AGBL4: variants seen among roughly 807,000 people sequenced by gnomAD.
AGBL4 encodes the protein AGBL carboxypeptidase 4.
AGBL4 carries 58 observed loss-of-function variants against 66.4 expected under a neutral mutation model. The observed-to-expected ratio is 0.87, with a 90% confidence interval of 0.71 to 1.09. The LOEUF (loss-of-function observed/expected upper bound fraction) is 1.09. Among genes scored for constraint, AGBL4 ranks in the 50% least tolerant of loss-of-function variants. The pLI, the probability that AGBL4 is intolerant of heterozygous loss-of-function variation, is 0.00. For missense variants in AGBL4, 579 were observed against 631.0 expected (o/e 0.92, Z 0.88); for synonymous variants, 234 against 222.9 (o/e 1.05, Z -0.44).
At chr1:49,924,824 C>T (rs1359697160) in intron 1 of AGBL4, among the ~76,000 whole-genome samples, 3 of 152,110 alleles carry the variant, frequency 2.0e-5, no homozygotes, top group Non-Finnish European at 4.4e-5. Context: ...TTCCACCAAT[C>T]GTCCTCCTCA....
intron 3 of AGBL4, among the ~76,000 whole-genome samples, chr1:49,282,645 C>A (rs977416467): frequency 2.0e-5 from 3 of 152,088 alleles, no homozygotes; most frequent in Admixed American, 1.3e-4. Flanking sequence ...AGACAGTGGG[C>A]GCAGGTCAGT....
chr1:48,815,197 T>A (rs1646146142), intron 6 of AGBL4, among the ~76,000 whole-genome samples: 1 of 152,242 alleles, frequency 6.6e-6, no homozygotes, highest in Non-Finnish European at 1.5e-5. Flanking sequence ...GTATGTCTTT[T>A]GAGAAATGTC....
intron 6 of AGBL4, among the ~76,000 whole-genome samples, chr1:48,775,372 T>C (rs938884708): frequency 3.3e-5 from 5 of 152,160 alleles, no homozygotes; most frequent in African/African-American, 1.2e-4. Flanking sequence ...GGCAAGTCTC[T>C]ATGGGTTGAG....
chr1:49,299,961 A>C (rs925834598), intron 3 of AGBL4, among the ~76,000 whole-genome samples: 8 of 152,116 alleles, frequency 5.3e-5, no homozygotes, highest in Admixed American at 5.2e-4. Flanking sequence ...ATAAATCCCA[A>C]TGTATAATTC....
intron 6 of AGBL4, among the ~76,000 whole-genome samples, chr1:48,789,672 A>G (rs1645498767): frequency 6.6e-6 from 1 of 152,144 alleles, no homozygotes; most frequent in Non-Finnish European, 1.5e-5. Context: ...TTCTTTAGGG[A>G]CAAGATGTAA....
At chr1:49,563,105 CTGTT>C (rs1644095053) in intron 3 of AGBL4, among the ~76,000 whole-genome samples, 1 of 151,896 alleles carries the variant, frequency 6.6e-6, no homozygotes, top group African/African-American at 2.4e-5. Context: ...ATTTGGCTCT[CTGTT>C]TGTCTGTTAT....
intron 3 of AGBL4, among the ~76,000 whole-genome samples, chr1:49,384,948 A>G (rs749607999): frequency 4.6e-5 from 7 of 152,212 alleles, no homozygotes; most frequent in Non-Finnish European, 7.3e-5. Flanking sequence ...AACATGCACA[A>G]GCAAACTAAA....
intron 1 of AGBL4, among the ~76,000 whole-genome samples, chr1:49,859,404 TG>T: frequency 6.6e-6 from 1 of 152,290 alleles, no homozygotes; most frequent in African/African-American, 2.4e-5. Context: ...CAATTTATCT[TG>T]GGTGTGCAAG....
At chr1:49,106,450 A>G (rs1645294693) in intron 4 of AGBL4, among the ~76,000 whole-genome samples, 1 of 152,166 alleles carries the variant, frequency 6.6e-6, no homozygotes, top group Non-Finnish European at 1.5e-5. Context: ...AGTGTGGAAG[A>G]TACTGCTTGG....
At chr1:49,630,729 T>C (rs1645554286) in intron 3 of AGBL4, among the ~76,000 whole-genome samples, 3 of 152,136 alleles carry the variant, frequency 2.0e-5, no homozygotes, top group Admixed American at 6.6e-5. Context: ...TTATCAAACA[T>C]CCAATTCTAG....
At chr1:49,260,518 T>A (rs1653033690) in intron 3 of AGBL4, among the ~76,000 whole-genome samples, 2 of 152,226 alleles carry the variant, frequency 1.3e-5, no homozygotes, top group Admixed American at 6.5e-5. Context: ...CATCAGAGAA[T>A]ACTACAAACA....
chr1:48,892,655 T>A (rs1374223296), intron 5 of AGBL4, among the ~76,000 whole-genome samples: 2 of 152,020 alleles, frequency 1.3e-5, no homozygotes, highest in African/African-American at 4.8e-5. Context: ...TTCTTTTGAG[T>A]TTCTGATTAG....
intron 4 of AGBL4, among the ~76,000 whole-genome samples, chr1:49,229,767 G>T (rs1276218523): frequency 6.6e-5 from 10 of 152,182 alleles, no homozygotes; most frequent in Non-Finnish European, 1.5e-5. Context: ...CTTGGCACTG[G>T]CTGGGGCTGG....
At chr1:48,653,285 A>G (rs1055210483) in intron 8 of AGBL4, 52 bp downstream of exon 8, 18 of 1,392,880 alleles carry the variant, frequency 1.3e-5, no homozygotes, top group Middle Eastern at 3.6e-4. Context: ...TCTTGCTTCC[A>G]TACTACCATC....
At chr1:48,697,605 T>C (rs1646732192) in intron 6 of AGBL4, among the ~76,000 whole-genome samples, 1 of 152,234 alleles carries the variant, frequency 6.6e-6, no homozygotes, top group Non-Finnish European at 1.5e-5. Context: ...TGAATGGATC[T>C]ATAGCTGAGA....
At chr1:48,553,963 A>G (rs1381836932) in intron 11 of AGBL4, among the ~76,000 whole-genome samples, 2 of 152,216 alleles carry the variant, frequency 1.3e-5, no homozygotes, top group Non-Finnish European at 2.9e-5. Flanking sequence ...GAAAACCTCA[A>G]AGAGTCCTGT....
At chr1:48,834,934 C>T (rs991794617) in intron 6 of AGBL4, among the ~76,000 whole-genome samples, 17 of 152,216 alleles carry the variant, frequency 1.1e-4, no homozygotes, top group East Asian at 5.8e-4. Context: ...GTGCTGGTGG[C>T]GGCTGGCTTT....
intron 6 of AGBL4, among the ~76,000 whole-genome samples, chr1:48,772,400 C>T (rs1644880525): frequency 1.3e-5 from 2 of 152,274 alleles, no homozygotes; most frequent in South Asian, 4.1e-4. Flanking sequence ...GTCTACCTTC[C>T]CCACCTGTAG....
intron 3 of AGBL4, among the ~76,000 whole-genome samples, chr1:49,266,608 AACACAC>A (rs71307610): frequency 6.7e-6 from 1 of 149,644 alleles, no homozygotes; most frequent in Non-Finnish European, 1.5e-5. Flanking sequence ...ATAAACCTGT[AACACAC>A]ACACACACAC....
Sources: allele counts gnomAD v4.1 joint callset (sites outside exome capture counted in the v4.1 genomes callset), GRCh38; gene constraint gnomAD v4.1.1; transcripts MANE v1.5; gene names NCBI Gene and HGNC (gene_info 2026-07-23, HGNC 2026-07-21).